Variants in NIPBL observed in about 807,000 individuals in gnomAD.
NIPBL encodes NIPBL cohesin loading factor.
Under a neutral mutation model 321.8 loss-of-function variants are expected in NIPBL, and 19 were observed. The ratio of observed to expected loss-of-function variants is 0.06; its 90% CI spans 0.04 to 0.09. The LOEUF (loss-of-function observed/expected upper bound fraction) is 0.09. Ranked by LOEUF, NIPBL falls within the 10% of genes least tolerant of loss-of-function variation. NIPBL has a pLI of 1.00. For missense variants in NIPBL, 2,210 were observed against 3,327.0 expected, an observed-to-expected ratio of 0.66 and a Z score of 8.26; for synonymous variants, 1,106 against 1,114.1, an observed-to-expected ratio of 0.99 and a Z score of 0.14.
chr5:36,972,385 T>C (rs1197504207), intron 8 of NIPBL, among the ~76,000 whole-genome samples: 2 of 152,266 alleles, frequency 1.3e-5, no homozygotes, highest in East Asian at 1.9e-4. Context: ...AAAAGACTTA[T>C]TTCATATGAG....
intron 24 of NIPBL, among the ~76,000 whole-genome samples, chr5:37,018,964 A>G (rs1749312478): frequency 6.6e-6 from 1 of 152,024 alleles, no homozygotes; most frequent in Non-Finnish European, 1.5e-5. Context: ...TTAGCCAGGC[A>G]TGGTGGACCA....
chr5:36,994,179 A>G (rs1167645455), intron 10 of NIPBL, among the ~76,000 whole-genome samples: 1 of 152,112 alleles, frequency 6.6e-6, no homozygotes, highest in Non-Finnish European at 1.5e-5. Context: ...AATACAGAGA[A>G]ATATTACCTG....
intron 1 of NIPBL, among the ~76,000 whole-genome samples, chr5:36,907,613 A>G (rs1338694997): frequency 2.0e-5 from 3 of 152,166 alleles, no homozygotes; most frequent in Non-Finnish European, 4.4e-5. Flanking sequence ...CTTAGAAAAG[A>G]CCAGAAGAAA....
At chr5:36,937,743 T>A (rs1466700789) in intron 1 of NIPBL, among the ~76,000 whole-genome samples, 1 of 152,224 alleles carries the variant, frequency 6.6e-6, no homozygotes, top group Non-Finnish European at 1.5e-5. Context: ...TTTTATTTTA[T>A]ACACATATTT....
chr5:36,919,690 A>G (rs1328861937), intron 1 of NIPBL, among the ~76,000 whole-genome samples: 1 of 152,178 alleles, frequency 6.6e-6, no homozygotes, highest in African/African-American at 2.4e-5. Context: ...AGATATTTTC[A>G]TTTAAAAGTA....
intron 33 of NIPBL, among the ~76,000 whole-genome samples, chr5:37,037,730 T>G (rs994792608): frequency 6.6e-6 from 1 of 151,312 alleles, no homozygotes; most frequent in South Asian, 2.1e-4. Flanking sequence ...GATACTGATG[T>G]CCCTTAATGT....
intron 1 of NIPBL, among the ~76,000 whole-genome samples, chr5:36,944,844 C>T (rs913437454): frequency 2.0e-5 from 3 of 152,042 alleles, no homozygotes; most frequent in African/African-American, 7.2e-5. Flanking sequence ...AAGCCTTTTC[C>T]TTGTATATTG....
At chr5:37,023,757 T>TC (rs1329430208) in intron 29 of NIPBL, among the ~76,000 whole-genome samples, 4 of 143,656 alleles carry the variant, frequency 2.8e-5, no homozygotes, top group Non-Finnish European at 6.1e-5. Flanking sequence ...ATTCTTTTTT[T>TC]TTTTTTTTTT....
intron 10 of NIPBL, among the ~76,000 whole-genome samples, chr5:36,990,938 C>G (rs1381226547): frequency 1.3e-5 from 2 of 151,882 alleles, no homozygotes; most frequent in African/African-American, 4.8e-5. Context: ...CTGTAAGACC[C>G]TGTGCCTATT....
chr5:37,009,745 T>A (rs558978855), intron 20 of NIPBL, among the ~76,000 whole-genome samples: 6 of 152,326 alleles, frequency 3.9e-5, no homozygotes, highest in Admixed American at 3.3e-4. Context: ...TAGCAAAATA[T>A]ATGGGCATTT....
At chr5:36,901,431 G>T (rs1246294170) in intron 1 of NIPBL, among the ~76,000 whole-genome samples, 1 of 148,816 alleles carries the variant, frequency 6.7e-6, no homozygotes, top group African/African-American at 2.5e-5. Flanking sequence ...CTTTATGGTA[G>T]AATGATGTAT....
intron 1 of NIPBL, among the ~76,000 whole-genome samples, chr5:36,901,257 T>G (rs2149534289): frequency 6.6e-6 from 1 of 152,322 alleles, no homozygotes; most frequent in East Asian, 1.9e-4. Flanking sequence ...GCCTCCATGT[T>G]GCTGCAAAGG....
At chr5:36,990,416 C>T (rs1026432871) in intron 10 of NIPBL, among the ~76,000 whole-genome samples, 4 of 127,510 alleles carry the variant, frequency 3.1e-5, no homozygotes, top group African/African-American at 1.4e-4. Flanking sequence ...ATTTATAGCA[C>T]AGTTTATTAA....
At chr5:36,884,257 T>C (rs1745720836) in intron 1 of NIPBL, among the ~76,000 whole-genome samples, 1 of 152,164 alleles carries the variant, frequency 6.6e-6, no homozygotes, top group Non-Finnish European at 1.5e-5. Flanking sequence ...TTAATGTGGT[T>C]GATCTTGTAA....
chr5:36,948,718 A>G (rs1263409848), intron 1 of NIPBL, among the ~76,000 whole-genome samples: 1 of 151,914 alleles, frequency 6.6e-6, no homozygotes, highest in Non-Finnish European at 1.5e-5. Flanking sequence ...CTTGTATCCA[A>G]AACTGTTTTT....
Position 37,001,071 on chromosome 5 carries a change from T to A in NIPBL, c.3657T>A (p.Thr1219=). The change falls in exon 14 of 47, where the codon ACT becomes ACA. Residue 1219 remains threonine (T), a synonymous_variant. Coordinates refer to ENST00000282516, the MANE Select transcript of NIPBL (RefSeq NM_133433.4). ...ATAATTTGGAAGATATGGATTTTACTGCGTTTGGTAAAATCAACTTAAAAT... is the reference window on the plus strand; with the variant it reads ...ATAATTTGGAAGATATGGATTTTACAGCGTTTGGTAAAATCAACTTAAAAT... The part of the protein sequence containing the change: ...ILDNLEDMDF[T]AFGDDDEIPQ... 1 of 1,597,906 alleles carries A rather than the reference T, an allele frequency of 6.3e-7. No homozygotes were observed. The highest frequency in any genetic ancestry group is 8.6e-7 in the Non-Finnish European group (1 of 1,166,986).
At chr5:36,878,609 G>A (rs1745273331) in intron 1 of NIPBL, among the ~76,000 whole-genome samples, 2 of 152,144 alleles carry the variant, frequency 1.3e-5, no homozygotes, top group Non-Finnish European at 2.9e-5. Context: ...CATATTTTTT[G>A]TGTCATTAAA....
In NIPBL at chr5:36,973,628, C is replaced by T. The variant is rs186756204; in HGVS notation, c.868+1587C>T. On this transcript the variant is annotated intron_variant, in intron 8 of 46. Coordinates refer to ENST00000282516, the MANE Select transcript of NIPBL (RefSeq NM_133433.4). ...GATTACAGGCACATGCCACCACGCC[C>T]GGGTGATTTTTTTTGTATTTTTAGT... Among the ~76,000 whole-genome samples, 639 of 152,086 alleles carry T rather than the reference C, an allele frequency of 4.2e-3. 4 individuals carry two copies. The highest frequency in any genetic ancestry group is 7.5e-3 in the South Asian group (36 of 4,804).
intron 1 of NIPBL, among the ~76,000 whole-genome samples, chr5:36,929,355 T>A (rs1749604410): frequency 6.6e-6 from 1 of 152,094 alleles, no homozygotes; most frequent in South Asian, 2.1e-4. Context: ...GCCATTCATA[T>A]GTGTTCTTTG....
Sources: gnomAD v4.1 joint callset for allele counts (sites outside exome capture counted in the v4.1 genomes callset) on GRCh38, gnomAD v4.1.1 for gene constraint, MANE v1.5 for transcripts, NCBI Gene and HGNC (gene_info 2026-07-23, HGNC 2026-07-21) for gene names.